CDH18: variants seen among roughly 807,000 people sequenced by gnomAD.
The protein encoded by CDH18 is cadherin 18.
CDH18 carries 31 observed loss-of-function variants against 67.9 expected under a neutral mutation model. That is an observed-to-expected ratio of 0.46 (90% CI 0.34 to 0.62). The LOEUF (loss-of-function observed/expected upper bound fraction) is 0.62, where lower values mean the gene tolerates loss of function less well. Among genes scored for constraint, CDH18 ranks in the 20% least tolerant of loss-of-function variants. The pLI, the probability that CDH18 is intolerant of heterozygous loss-of-function variation, is 0.01. For missense variants in CDH18, 890 were observed against 975.5 expected (o/e 0.91, Z 1.17); for synonymous variants, 362 against 347.2 (o/e 1.04, Z -0.48).
chr5:20,480,282 G>A (rs1752701980), intron 1 of CDH18, among the ~76,000 whole-genome samples: 1 of 152,146 alleles, frequency 6.6e-6, no homozygotes. Flanking sequence ...CTGATAACTT[G>A]AGTAGAAAGA....
At chr5:20,345,868 C>T (rs902218011) in intron 1 of CDH18, among the ~76,000 whole-genome samples, 13 of 152,076 alleles carry the variant, frequency 8.5e-5, no homozygotes, top group Admixed American at 3.9e-4. Flanking sequence ...CCACTGCGGA[C>T]GGGGGCCACC....
intron 1 of CDH18, among the ~76,000 whole-genome samples, chr5:20,351,094 A>G (rs1419603929): frequency 1.3e-5 from 2 of 151,662 alleles, no homozygotes; most frequent in African/African-American, 4.8e-5. Context: ...AGCACAATCA[A>G]TTCCTTTTAC....
At chr5:19,611,130 A>C (rs1748884089) in intron 6 of CDH18, among the ~76,000 whole-genome samples, 2 of 152,328 alleles carry the variant, frequency 1.3e-5, no homozygotes, top group South Asian at 2.1e-4. Context: ...AAAACAATTA[A>C]GCGTCTTCCT....
intron 2 of CDH18, among the ~76,000 whole-genome samples, chr5:20,026,970 AT>A (rs1218761249): frequency 5.9e-5 from 9 of 152,042 alleles, no homozygotes; most frequent in Non-Finnish European, 4.4e-5. Flanking sequence ...TAAAAAAAAA[AT>A]AAATAAAATA....
intron 5 of CDH18, among the ~76,000 whole-genome samples, chr5:19,703,414 G>A (rs931062316): frequency 2.0e-5 from 3 of 152,132 alleles, no homozygotes; most frequent in African/African-American, 7.2e-5. Flanking sequence ...AGGAAGGAGA[G>A]TATAACTAAG....
chr5:19,724,256 A>G (rs2150592079), intron 4 of CDH18, among the ~76,000 whole-genome samples: 1 of 152,336 alleles, frequency 6.6e-6, no homozygotes, highest in African/African-American at 2.4e-5. Flanking sequence ...AAAATTAAGT[A>G]AATCCCAAAA....
chr5:20,473,512 T>C (rs1414215376), intron 1 of CDH18, among the ~76,000 whole-genome samples: 2 of 152,048 alleles, frequency 1.3e-5, no homozygotes, highest in East Asian at 3.8e-4. Flanking sequence ...ATTTTCTTTT[T>C]GCTATTTTAC....
At chr5:19,622,967 CA>C (rs1238376413) in intron 5 of CDH18, among the ~76,000 whole-genome samples, 1 of 152,134 alleles carries the variant, frequency 6.6e-6, no homozygotes, top group African/African-American at 2.4e-5. Context: ...AAAGGAAAAC[CA>C]GTTATGTTTG....
intron 1 of CDH18, among the ~76,000 whole-genome samples, chr5:20,256,991 T>C (rs1022560916): frequency 4.4e-5 from 6 of 136,968 alleles, no homozygotes; most frequent in Non-Finnish European, 7.9e-5. Context: ...TCTATATCTA[T>C]CTATCTATCT....
At chr5:19,620,236 C>T (rs1750487358) in intron 5 of CDH18, among the ~76,000 whole-genome samples, 1 of 152,178 alleles carries the variant, frequency 6.6e-6, no homozygotes, top group African/African-American at 2.4e-5. Flanking sequence ...GGATAATTCA[C>T]ATGTTTTCTG....
intron 1 of CDH18, among the ~76,000 whole-genome samples, chr5:20,511,194 G>A (rs1177910123): frequency 6.6e-6 from 1 of 151,942 alleles, no homozygotes; most frequent in Admixed American, 6.6e-5. Context: ...GAGATTGATA[G>A]TACACCAGAA....
chr5:19,747,484 A>C (rs1171138431), intron 3 of CDH18, among the ~76,000 whole-genome samples: 1 of 152,058 alleles, frequency 6.6e-6, no homozygotes, highest in Non-Finnish European at 1.5e-5. Context: ...AATAAATAAT[A>C]TTTATTAAAA....
At chr5:20,190,117 G>A (rs1399282203) in intron 2 of CDH18, among the ~76,000 whole-genome samples, 2 of 152,134 alleles carry the variant, frequency 1.3e-5, no homozygotes, top group East Asian at 1.9e-4. Flanking sequence ...GCCTTCCTGA[G>A]TTAGCTCAGA....
chr5:20,224,831 A>C (rs1267148487), intron 2 of CDH18, among the ~76,000 whole-genome samples: 1 of 152,118 alleles, frequency 6.6e-6, no homozygotes, highest in Admixed American at 6.6e-5. Context: ...TATACCAGAA[A>C]ATTGACAATT....
At chr5:20,434,403 A>C (rs1347461504) in intron 1 of CDH18, among the ~76,000 whole-genome samples, 2 of 152,030 alleles carry the variant, frequency 1.3e-5, no homozygotes, top group African/African-American at 4.8e-5. Context: ...GGAGATCTGG[A>C]AAATACATTC....
chr5:20,089,768 C>T (rs971793699), intron 2 of CDH18, among the ~76,000 whole-genome samples: 1 of 152,030 alleles, frequency 6.6e-6, no homozygotes, highest in Non-Finnish European at 1.5e-5. Context: ...TACTTGGATC[C>T]TAAGTATTTA....
At chr5:20,337,687 C>T (rs1338492115) in intron 1 of CDH18, among the ~76,000 whole-genome samples, 2 of 152,164 alleles carry the variant, frequency 1.3e-5, no homozygotes, top group African/African-American at 2.4e-5. Flanking sequence ...TTCATATTTT[C>T]CTGTTTTCTT....
chr5:19,986,399 T>C (rs1413179331), intron 1 of CDH18, among the ~76,000 whole-genome samples: 2 of 152,232 alleles, frequency 1.3e-5, no homozygotes, highest in Non-Finnish European at 2.9e-5. Context: ...CAGCTGGGCA[T>C]TTCTGTTGCA....
chr5:19,968,844 G>A (rs1229679373), intron 2 of CDH18, among the ~76,000 whole-genome samples: 1 of 145,078 alleles, frequency 6.9e-6, no homozygotes, highest in Non-Finnish European at 1.5e-5. Context: ...TTGACAAATG[G>A]GATCTAATTA....
Sources: gnomAD v4.1 joint callset for allele counts (sites outside exome capture counted in the v4.1 genomes callset) on GRCh38, gnomAD v4.1.1 for gene constraint, MANE v1.5 for transcripts, NCBI Gene and HGNC (gene_info 2026-07-23, HGNC 2026-07-21) for gene names.